PTPRS: variants seen among roughly 807,000 people sequenced by gnomAD.
The protein encoded by PTPRS is receptor-type tyrosine-protein phosphatase S.
Under a neutral mutation model 215.3 loss-of-function variants are expected in PTPRS, and 63 were observed. The observed-to-expected ratio is 0.29, with a 90% confidence interval of 0.24 to 0.36. The LOEUF is 0.36. Ranked by LOEUF, PTPRS falls within the 10% of genes least tolerant of loss-of-function variation. The probability of loss-of-function intolerance (pLI) is 1.00; values close to 1 mark genes in which losing one functional copy is unlikely to be tolerated. For missense variants in PTPRS, 2,258 were observed against 2,825.8 expected (o/e 0.80, Z 4.56); for synonymous variants, 1,404 against 1,191.4 (o/e 1.18, Z -3.68).
Position 5,340,710 on chromosome 19 carries a change from A to T in PTPRS, c.-141T>A, listed in dbSNP as rs1229503408. 1 of 146,328 alleles carries T rather than the reference A, an allele frequency of 6.8e-6. No individual in the cohort carries two copies. Among genetic ancestry groups the T allele is most frequent in the Admixed American group, 6.8e-5 (1 of 14,716 alleles). 9.1% of individuals were successfully genotyped at this position (146,328 alleles called of 1,614,324 possible). On this transcript the variant is annotated 5_prime_UTR_variant, in exon 1 of 38. The change abolishes an upstream ATG in the 5' untranslated region. Coordinates refer to ENST00000262963, the MANE Select transcript of PTPRS (RefSeq NM_002850.4). ...CTCCCCCGGCTCTGCCCCGCTTCAC[A>T]TCGTGGCTGTTGCATGGGATCCGAG... is the stretch of plus-strand genomic sequence containing the variant.
At chr19:5,250,292 C>T (rs1459911763) in intron 9 of PTPRS, among the ~76,000 whole-genome samples, 1 of 152,182 alleles carries the variant, frequency 6.6e-6, no homozygotes. Flanking sequence ...ATCTCCCCCT[C>T]CCTGGCGGCC....
intron 33 of PTPRS, 127 bp downstream of exon 33, chr19:5,211,463 A>C (rs1197919235): frequency 1.5e-5 from 13 of 890,490 alleles, no homozygotes; most frequent in Admixed American, 1.2e-4. Flanking sequence ...ACATCTAAAG[A>C]TGTGTATTTA....
At chr19:5,260,498 G>A (rs2045902982) in intron 7 of PTPRS, among the ~76,000 whole-genome samples, 1 of 152,158 alleles carries the variant, frequency 6.6e-6, no homozygotes, top group South Asian at 2.1e-4. Flanking sequence ...CATTTTAGAG[G>A]TGGCTAAACC....
Position 5,211,590 on chromosome 19 carries a change from C to G in PTPRS, c.5234G>C (p.Arg1745Thr), listed in dbSNP as rs1473708944. 6.2e-7 allele frequency: 1 copy of G among 1,607,002 alleles called. No individual in the cohort carries two copies. Among genetic ancestry groups the G allele is most frequent in the East Asian group, 2.2e-5 (1 of 44,658 alleles). Residue 1745 changes from arginine to threonine, a missense_variant and splice_region_variant, in exon 33 of 38, where the codon AGG becomes ACG. Arg to Thr is a moderately conservative substitution (Grantham distance 71). Around this residue, in one of 6 missense-constraint regions of PTPRS, gnomAD observed 927 missense variants for 1,125.9 expected, o/e 0.82. Coordinates refer to ENST00000262963, the MANE Select transcript of PTPRS (RefSeq NM_002850.4). ...GAGGTGGGAAAGGCATGGCACCTAC[C>G]TGTAGCCATCAATGAAGCTGGCGTT... ...YINASFIDGYRQQKAYIATQG... is the reference protein window; with the variant it reads ...YINASFIDGYTQQKAYIATQG...
intron 4 of PTPRS, among the ~76,000 whole-genome samples, chr19:5,268,920 G>A (rs1197396124): frequency 1.3e-5 from 2 of 152,212 alleles, no homozygotes; most frequent in South Asian, 2.1e-4. Flanking sequence ...ATGGCTGGAT[G>A]CCGTCTGAGG....
chr19:5,217,844 A>C (rs968170013), intron 25 of PTPRS, among the ~76,000 whole-genome samples: 1 of 152,228 alleles, frequency 6.6e-6, no homozygotes, highest in Non-Finnish European at 1.5e-5. Context: ...TGTGAATCAT[A>C]CATGAAAATG....
At chr19:5,252,895 A>C (rs1329914117) in intron 9 of PTPRS, among the ~76,000 whole-genome samples, 1 of 150,856 alleles carries the variant, frequency 6.6e-6, no homozygotes, top group Non-Finnish European at 1.5e-5. Flanking sequence ...AAAAAAAAAA[A>C]AGTAAAAGAA....
chr19:5,214,527 C>CAGGGGCTTG, intron 29 of PTPRS, 34 bp downstream of exon 29: 1 of 1,612,138 alleles, frequency 6.2e-7, no homozygotes, highest in South Asian at 1.1e-5. Context: ...GGCTGACTGG[C>CAGGGGCTTG]AGGGGCTTGA....
chr19:5,285,947 GC>G lies in PTPRS; in HGVS notation c.91+102del, dbSNP rs571215629. 2.5e-4 allele frequency: 268 copies of G among 1,070,510 alleles called. No individual in the cohort carries two copies. The African/African-American group carries it at 2.8e-3, about 11-fold the overall frequency. The allele number at this position is 1,070,510 out of a possible 1,614,324, so 66.3% of individuals were successfully genotyped here. A position where few individuals can be genotyped will look rare whatever the true frequency, so the allele number is the denominator to read the frequency against. Reference sequence around the variant, plus strand: ...AAAGTTCCATTTGGCAAAATGGAGGGCCCCAGGGAGGAGGTGGGGAGTGTGC... The same window carrying G: ...AAAGTTCCATTTGGCAAAATGGAGGGCCCAGGGAGGAGGTGGGGAGTGTGC... On this transcript the variant is annotated intron_variant, in intron 2 of 37. Transcript: ENST00000262963.
At chr19:5,260,934 C>T (rs1486277085) in intron 6 of PTPRS, 112 bp from the exon 7 acceptor site, 17 of 1,296,558 alleles carry the variant, frequency 1.3e-5, no homozygotes, top group Non-Finnish European at 1.6e-5. Flanking sequence ...CACTCTGCCC[C>T]AGGGAGGGGA....
chr19:5,263,431 G>T (rs1047640968), intron 5 of PTPRS, among the ~76,000 whole-genome samples: 3 of 152,112 alleles, frequency 2.0e-5, no homozygotes, highest in South Asian at 2.1e-4. Flanking sequence ...GCTCTTTGGT[G>T]GGGGGCAACG....
intron 9 of PTPRS, among the ~76,000 whole-genome samples, chr19:5,247,101 A>G (rs1268403429): frequency 6.6e-6 from 1 of 151,924 alleles, no homozygotes; most frequent in African/African-American, 2.4e-5. Flanking sequence ...GGGGGGGCCC[A>G]CTTCAATGCT....
At chr19:5,247,050 T>C (rs1036099796) in intron 9 of PTPRS, among the ~76,000 whole-genome samples, 13 of 144,076 alleles carry the variant, frequency 9.0e-5, no homozygotes, top group African/African-American at 3.1e-4. Flanking sequence ...GAATAGAAAA[T>C]AGGGACAGAG....
intron 1 of PTPRS, among the ~76,000 whole-genome samples, chr19:5,315,362 T>C (rs1377529474): frequency 0.04 from 4,350 of 108,762 alleles, 514 homozygotes; most frequent in African/African-American, 0.14. Flanking sequence ...TTTTTTTTTT[T>C]TTTTTTTTTT....
At chr19:5,332,043 G>A (rs987554588) in intron 1 of PTPRS, among the ~76,000 whole-genome samples, 7 of 152,090 alleles carry the variant, frequency 4.6e-5, no homozygotes, top group African/African-American at 1.7e-4. Flanking sequence ...TTAATTGTTG[G>A]GGAAGGGGTC....
At chr19:5,303,354 C>T (rs567032498) in intron 1 of PTPRS, among the ~76,000 whole-genome samples, 32 of 152,190 alleles carry the variant, frequency 2.1e-4, no homozygotes, top group African/African-American at 7.5e-4. Context: ...CTCCTGGTCC[C>T]CGTGCACAAG....
rs753640223 is a variant in PTPRS, at chr19:5,211,997, C to T, written c.5023G>A (p.Glu1675Lys). ...TCGAGTTCCATGCCAGTGACGTGTTCGCCAGGCTCCACCTGGGCCAGCTTC... is the reference window on the plus strand; with the variant it reads ...TCGAGTTCCATGCCAGTGACGTGTTTGCCAGGCTCCACCTGGGCCAGCTTC... ...IQKLAQVEPG[E>K]HVTGMELEFK... is the part of the protein sequence containing the mutation. The change falls in exon 32 of 38, where the codon GAA becomes AAA. Residue 1675 changes from glutamate to lysine, a missense_variant. Physicochemically the swap from Glu to Lys is moderately conservative, Grantham distance 56. Coordinates refer to ENST00000262963, the MANE Select transcript of PTPRS (RefSeq NM_002850.4). 61 of 1,611,660 alleles carry T rather than the reference C, an allele frequency of 3.8e-5. No individual in the cohort carries two copies. Among genetic ancestry groups the T allele is most frequent in the Middle Eastern group, 1.7e-4 (1 of 5,958 alleles).
At chr19:5,329,874 C>G (rs557481313) in intron 1 of PTPRS, among the ~76,000 whole-genome samples, 154 of 151,984 alleles carry the variant, frequency 1.0e-3, no homozygotes, top group African/African-American at 3.6e-3. Flanking sequence ...CTCAGGAGTT[C>G]AACACCAGTC....
At position 5,214,656 on chromosome 19, in the gene PTPRS, G is replaced by T; in HGVS notation, c.4399C>A (p.Pro1467Thr). Residue 1467 changes from proline to threonine, a missense_variant, in exon 29 of 38, where the codon CCG (proline) becomes ACG (threonine). Coordinates refer to ENST00000262963, the MANE Select transcript of PTPRS (RefSeq NM_002850.4). ...CQNAYIATQG[P>T]LPETFGDFWR... Reference sequence around the variant, plus strand: ...AAGTCCCCAAAGGTCTCAGGCAGCGGCCCCTGCGTGGCAATGTACGCGTTC... The same window carrying T: ...AAGTCCCCAAAGGTCTCAGGCAGCGTCCCCTGCGTGGCAATGTACGCGTTC... The T allele has an allele frequency of 6.2e-7, 1 of 1,613,170 alleles. No homozygotes were observed. Among genetic ancestry groups the T allele is most frequent in the Non-Finnish European group, 8.5e-7 (1 of 1,179,932 alleles).
Sources: gnomAD v4.1 joint callset for allele counts (sites outside exome capture counted in the v4.1 genomes callset) on GRCh38, gnomAD v4.1.1 for gene constraint, gnomAD v4.1.1 regional missense constraint, MANE v1.5 for transcripts, NCBI Gene and HGNC (gene_info 2026-07-23, HGNC 2026-07-21) for gene names.